The following RALGAPB variants were observed in gnomAD, a reference collection of about 807,000 sequenced individuals.
RALGAPB encodes ral GTPase-activating protein subunit beta.
Under a neutral mutation model 161.1 loss-of-function variants are expected in RALGAPB, and 25 were observed. That is an observed-to-expected ratio of 0.16 (90% CI 0.11 to 0.22). The LOEUF (loss-of-function observed/expected upper bound fraction) is 0.22. Among genes scored for constraint, RALGAPB ranks in the 10% least tolerant of loss-of-function variants. The pLI is 1.00. For synonymous variants in RALGAPB, 629 were observed against 626.1 expected, an observed-to-expected ratio of 1.00 and a Z score of -0.07; for missense variants, 1,391 against 1,815.2, an observed-to-expected ratio of 0.77 and a Z score of 4.25.
At chr20:38,561,100 C>T (rs571802118) in intron 23 of RALGAPB, among the ~76,000 whole-genome samples, 159 of 152,178 alleles carry the variant, frequency 1.0e-3, no homozygotes, top group Non-Finnish European at 1.9e-3. Context: ...CCGAGGCGCG[C>T]GGATCACGAG....
chr20:38,531,297 GA>G, intron 14 of RALGAPB, 66 bp downstream of exon 14: 1 of 1,346,236 alleles, frequency 7.4e-7, no homozygotes, highest in South Asian at 1.2e-5. Context: ...TTATATTCCA[GA>G]ATGTCCATCT....
chr20:38,525,058 A>G (rs1308843027), intron 11 of RALGAPB, 113 bp downstream of exon 11: 11 of 1,058,994 alleles, frequency 1.0e-5, no homozygotes, highest in African/African-American at 1.6e-5. Context: ...AGTCCAAGAG[A>G]ACTCAGGCGA....
chr20:38,558,826 C>T (rs1275139120), intron 23 of RALGAPB, among the ~76,000 whole-genome samples: 3 of 152,112 alleles, frequency 2.0e-5, no homozygotes, highest in Admixed American at 6.5e-5. Flanking sequence ...CCATATAGCA[C>T]GCAGCTTCAA....
chr20:38,568,270 A>T (rs904544653), intron 26 of RALGAPB, among the ~76,000 whole-genome samples: 1 of 152,186 alleles, frequency 6.6e-6, no homozygotes, highest in African/African-American at 2.4e-5. Context: ...AACAAAAAAA[A>T]AACAAAGCAA....
intron 13 of RALGAPB, among the ~76,000 whole-genome samples, chr20:38,526,778 C>T (rs1240254722): frequency 6.6e-6 from 1 of 152,100 alleles, no homozygotes; most frequent in African/African-American, 2.4e-5. Context: ...CACTAAGGGA[C>T]AGTCTTATCT....
chr20:38,525,309 G>A, intron 11 of RALGAPB, 95 bp from the exon 12 acceptor site: 2 of 812,794 alleles, frequency 2.5e-6, no homozygotes, highest in South Asian at 3.0e-5. Context: ...AATACACAAT[G>A]CTTGGATTTG....
Position 38,486,722 on chromosome 20 carries a change from AC to A in RALGAPB, c.-30-1680del, listed in dbSNP as rs759475094. Among the ~76,000 whole-genome samples the A allele has an allele frequency of 1.9e-4, 29 of 152,326 alleles. 1 individual carries two copies. The East Asian group carries it at 2.5e-3, about 13-fold the overall frequency. Reference sequence around the variant, plus strand: ...TCATTTAGTATTTGGAAACCATCCAACTTTTATTTTTACTAGTAATTAGCTT... The same window carrying A: ...TCATTTAGTATTTGGAAACCATCCAATTTTATTTTTACTAGTAATTAGCTT... On this transcript the variant is annotated intron_variant, in intron 1 of 29. Coordinates refer to ENST00000262879, the MANE Select transcript of RALGAPB (RefSeq NM_020336.4).
rs1379530083 is a variant in RALGAPB, at chr20:38,558,368, T to C, written c.3446T>C (p.Ile1149Thr). ...DSTIPGFFDDIGYLDLLPCRP... is the reference protein window; with the variant it reads ...DSTIPGFFDDTGYLDLLPCRP... ...ACGATACCTGGATTTTTTGATGACA[T>C]TGGGTATCTGGATCTCTTGCCATGT... Residue 1149 changes from isoleucine to threonine, a missense_variant, in exon 23 of 30, where the codon ATT becomes ACT. Physicochemically the swap from Ile to Thr is moderately conservative, Grantham distance 89. Coordinates refer to ENST00000262879, the MANE Select transcript of RALGAPB (RefSeq NM_020336.4). The C allele has an allele frequency of 6.2e-7, 1 of 1,609,196 alleles. No individual in the cohort carries two copies. Among genetic ancestry groups the C allele is most frequent in the Non-Finnish European group, 8.5e-7 (1 of 1,176,922 alleles).
At chr20:38,546,452 C>T (rs775547899) in intron 19 of RALGAPB, 22 bp downstream of exon 19, 10 of 1,613,290 alleles carry the variant, frequency 6.2e-6, no homozygotes, top group Non-Finnish European at 8.5e-6. Flanking sequence ...GTACTTTGAG[C>T]CTTCTCTACT....
At chr20:38,569,669 TC>T in intron 26 of RALGAPB, 1 of 488,344 alleles carries the variant, frequency 2.0e-6, no homozygotes, top group Non-Finnish European at 3.7e-6. Context: ...CCTTTTTTTT[TC>T]TTTGACAATT....
chr20:38,518,016 GA>G lies in RALGAPB; in HGVS notation c.1417+19del. ...AGCATGACTGGTAAATATTACTCAA[GA>G]AATATGTTATCATTATTTTCCTTTT... On this transcript the variant is annotated intron_variant, in intron 9 of 29. Coordinates refer to ENST00000262879, the MANE Select transcript of RALGAPB (RefSeq NM_020336.4). The G allele has an allele frequency of 6.3e-7, 1 of 1,576,884 alleles. No individual in the cohort carries two copies. The highest frequency in any genetic ancestry group is 8.7e-7 in the Non-Finnish European group (1 of 1,146,416).
At chr20:38,494,777 C>T (rs868190702) in intron 3 of RALGAPB, among the ~76,000 whole-genome samples, 1 of 152,208 alleles carries the variant, frequency 6.6e-6, no homozygotes, top group South Asian at 2.1e-4. Context: ...TTCTTCGTGC[C>T]TGGGATAGTC....
chr20:38,553,737 A>G (rs1325862703), intron 21 of RALGAPB, 130 bp from the exon 22 acceptor site: 10 of 697,174 alleles, frequency 1.4e-5, no homozygotes, highest in Non-Finnish European at 2.3e-5. Context: ...ACTTGAGCCC[A>G]GGAGTTCAAG....
intron 23 of RALGAPB, among the ~76,000 whole-genome samples, chr20:38,562,066 A>G (rs941488668): frequency 3.3e-5 from 5 of 152,216 alleles, no homozygotes; most frequent in Non-Finnish European, 7.3e-5. Flanking sequence ...CTCATTTATT[A>G]ATTACACCTA....
At chr20:38,474,300 C>CT (rs1392896603) in intron 1 of RALGAPB, among the ~76,000 whole-genome samples, 2 of 151,808 alleles carry the variant, frequency 1.3e-5, no homozygotes, top group Non-Finnish European at 2.9e-5. Flanking sequence ...TTCTTTCTTT[C>CT]TTTTTTTTAG....
intron 26 of RALGAPB, among the ~76,000 whole-genome samples, chr20:38,567,844 C>T (rs566760244): frequency 6.6e-6 from 1 of 152,300 alleles, no homozygotes; most frequent in Non-Finnish European, 1.5e-5. Context: ...TTTAGGTTAG[C>T]TTCCTTCCAC....
intron 28 of RALGAPB, among the ~76,000 whole-genome samples, chr20:38,572,624 AG>A (rs2088281624): frequency 6.6e-6 from 1 of 152,240 alleles, no homozygotes; most frequent in Admixed American, 6.5e-5. Context: ...AAGTCAGTAA[AG>A]ATGATTTATT....
At position 38,517,538 on chromosome 20, in the gene RALGAPB, C is replaced by T; in HGVS notation, c.1084C>T (p.Pro362Ser). ...TAGACCCCGATCAGACAGTGCTCCC[C>T]CAACACCCGTGAATAGATTAAGTAT... The part of the protein sequence containing the change: ...ISRPRSDSAP[P>S]TPVNRLSMPQ... The change falls in exon 8 of 30, where the codon CCA becomes TCA. Residue 362 changes from proline (P) to serine (S), a missense_variant. Coordinates refer to ENST00000262879, the MANE Select transcript of RALGAPB (RefSeq NM_020336.4). The T allele has an allele frequency of 1.2e-6, 2 of 1,610,690 alleles. No homozygotes were observed. The highest frequency in any genetic ancestry group is 1.7e-6 in the Non-Finnish European group (2 of 1,178,980).
chr20:38,569,898 G>C lies in RALGAPB; in HGVS notation c.3965G>C (p.Ser1322Thr). The C allele has an allele frequency of 6.2e-7, 1 of 1,613,186 alleles. No individual in the cohort carries two copies. Among genetic ancestry groups the C allele is most frequent in the Non-Finnish European group, 8.5e-7 (1 of 1,179,432 alleles). The change falls in exon 27 of 30, where the codon AGT becomes ACT. Residue 1322 changes from serine (S) to threonine (T), a missense_variant. Around this residue, in one of 3 missense-constraint regions of RALGAPB, gnomAD observed 436 missense variants for 527.0 expected, o/e 0.83. Transcript: ENST00000262879. Reference protein sequence around the residue: ...NLNSSQRLSPSSRMRKLPQGR... With the variant: ...NLNSSQRLSPTSRMRKLPQGR... ...TTCTTCTTCATGTAGCTCAGTCCCA[G>C]TTCCAGAATGAGGAAGCTGCCTCAG...
Sources: allele counts gnomAD v4.1 joint callset (sites outside exome capture counted in the v4.1 genomes callset), GRCh38; gene constraint gnomAD v4.1.1; regional missense constraint gnomAD v4.1.1; transcripts MANE v1.5; gene names NCBI Gene and HGNC (gene_info 2026-07-23, HGNC 2026-07-21).